Variants in PCDHGB2 observed in about 807,000 individuals in gnomAD.
PCDHGB2 encodes protocadherin gamma-B2.
PCDHGB2 carries 55 observed loss-of-function variants against 59.3 expected under a neutral mutation model. The observed-to-expected ratio is 0.93, with a 90% CI of 0.75 to 1.16. PCDHGB2 has a LOEUF of 1.16. PCDHGB2 is among the 50% of genes most tolerant of loss of function. The pLI is 0.00. For synonymous variants in PCDHGB2, 516 were observed against 512.0 expected, an observed-to-expected ratio of 1.01 and a Z score of -0.11; for missense variants, 1,228 against 1,198.5, an observed-to-expected ratio of 1.02 and a Z score of -0.36.
At position 141,491,891 on chromosome 5, in the gene PCDHGB2, G is replaced by T. The variant is rs1487484740; in HGVS notation, c.2422-2916G>T. On this transcript the variant is annotated intron_variant, in intron 1 of 3. Coordinates refer to ENST00000522605, the MANE Select transcript of PCDHGB2 (RefSeq NM_018923.3). This position sits in a 1 kb window ranked among gnomAD's most constrained non-coding sequence, Gnocchi z 6.9. ...GTGGCCGATTAAGGGATGGGGCTCC[G>T]AGCACCGGGGGTGGTGGCGACTGTG... 19 of 1,439,438 alleles carry T rather than the reference G, an allele frequency of 1.3e-5. No homozygotes were observed. The East Asian group carries it at 4.8e-4, about 36-fold the overall frequency. 89.2% of individuals were successfully genotyped at this position (1,439,438 alleles called of 1,614,324 possible). A position where few individuals can be genotyped will look rare whatever the true frequency, so the allele number is the denominator to read the frequency against.
At chr5:141,408,896 G>A (rs1441378199) in intron 1 of PCDHGB2, 5 of 1,613,328 alleles carry the variant, frequency 3.1e-6, no homozygotes, top group East Asian at 2.2e-5. Flanking sequence ...AGAAATTTCT[G>A]TCAAGGATAC....
intron 1 of PCDHGB2, among the ~76,000 whole-genome samples, chr5:141,472,136 A>T (rs1172420221): frequency 1.1e-4 from 17 of 152,262 alleles, no homozygotes; most frequent in Non-Finnish European, 2.5e-4. Flanking sequence ...AGTTAAAAAT[A>T]AAAGTTTCAT....
chr5:141,400,319 C>G (rs762588918), intron 1 of PCDHGB2: 1 of 1,613,974 alleles, frequency 6.2e-7, no homozygotes, highest in African/African-American at 1.3e-5. Context: ...TGTGTCAAGT[C>G]TGGACCTGTG....
chr5:141,475,990 A>T, intron 1 of PCDHGB2: 1 of 1,140,672 alleles, frequency 8.8e-7, no homozygotes, highest in Non-Finnish European at 1.2e-6. Context: ...CGGCGAGCAA[A>T]TCAACGGCAT....
At position 141,485,184 on chromosome 5, in the gene PCDHGB2, A is replaced by G. The variant is rs1415940980; in HGVS notation, c.2422-9623A>G. ...TAGCGGGCGGCAGCAATGCTCCGCA[A>G]GGTGAGAAGCTGGACAGAAATCTGG... On this transcript the variant is annotated intron_variant, in intron 1 of 3. Transcript: ENST00000522605. This position sits in a 1 kb window ranked among gnomAD's most constrained non-coding sequence, Gnocchi z 5.7. The G allele has an allele frequency of 6.2e-7, 1 of 1,613,152 alleles. No individual in the cohort carries two copies. The highest frequency in any genetic ancestry group is 1.3e-5 in the African/African-American group (1 of 74,938).
At position 141,432,463 on chromosome 5, in the gene PCDHGB2, C is replaced by T; in HGVS notation, c.2422-62344C>T. ...CCGAGATCCTGTACCCCGCCCTCCC[C>T]ACGGACGGTTCCACTGGCGTGGAGC... On this transcript the variant is annotated intron_variant, in intron 1 of 3. Transcript: ENST00000522605. The surrounding 1 kb of genome is among the most constrained non-coding windows in gnomAD (Gnocchi z 6.0). 6.2e-7 allele frequency: 1 copy of T among 1,614,238 alleles called. No individual in the cohort carries two copies. The highest frequency in any genetic ancestry group is 1.1e-5 in the South Asian group (1 of 91,084).
chr5:141,432,908 C>G lies in PCDHGB2; in HGVS notation c.2422-61899C>G, dbSNP rs757934634. 6.2e-7 allele frequency: 1 copy of G among 1,614,168 alleles called. No homozygotes were observed. Reference sequence around the variant, plus strand: ...CATCTTGCTGCTGGCGCTCAGGCTGCGGCGCTGGCACAAGTCACGCCTGCT... The same window carrying G: ...CATCTTGCTGCTGGCGCTCAGGCTGGGGCGCTGGCACAAGTCACGCCTGCT... On this transcript the variant is annotated intron_variant, in intron 1 of 3. Transcript: ENST00000522605. This position sits in a 1 kb window ranked among gnomAD's most constrained non-coding sequence, Gnocchi z 6.0.
intron 1 of PCDHGB2, chr5:141,409,550 C>T (rs764101999): frequency 1.9e-6 from 3 of 1,613,992 alleles, no homozygotes; most frequent in African/African-American, 2.7e-5. Context: ...CGACAACGCC[C>T]CAGTTTTCGA....
intron 1 of PCDHGB2, chr5:141,414,687 T>G: frequency 1.2e-6 from 2 of 1,614,004 alleles, no homozygotes; most frequent in East Asian, 4.5e-5. Flanking sequence ...AGGGGGTACC[T>G]CTGTCCTCAT....
chr5:141,394,622 G>A (rs1472873845), intron 1 of PCDHGB2: 32 of 1,613,496 alleles, frequency 2.0e-5, no homozygotes, highest in Non-Finnish European at 2.6e-5. Flanking sequence ...AGAACGCCTG[G>A]CTGTCCTACC....
rs779651957 is a variant in PCDHGB2, at chr5:141,431,167, T to G, written c.2422-63640T>G. 2 of 1,614,118 alleles carry G rather than the reference T, an allele frequency of 1.2e-6. No individual in the cohort carries two copies. Among genetic ancestry groups the G allele is most frequent in the Non-Finnish European group, 1.7e-6 (2 of 1,180,014 alleles). The stretch of plus-strand genomic sequence containing the variant: ...ACAATGCGCCTTACTTTCGTGAAAG[T>G]GAATTAGAAATAAAAATTAGTGAAA... On this transcript the variant is annotated intron_variant, in intron 1 of 3. Transcript: ENST00000522605. The surrounding 1 kb of genome is among the most constrained non-coding windows in gnomAD (Gnocchi z 4.8).
intron 1 of PCDHGB2, chr5:141,375,951 C>G (rs767101939): frequency 1.2e-6 from 2 of 1,613,526 alleles, no homozygotes; most frequent in Admixed American, 3.3e-5. Context: ...GGCCTGCACA[C>G]GGGCGAGGTG....
intron 1 of PCDHGB2, chr5:141,421,475 G>A (rs752558543): frequency 4.3e-6 from 7 of 1,614,150 alleles, no homozygotes. Flanking sequence ...CCGCGAAGCG[G>A]CAGCTTGATC....
rs962794399 is a variant in PCDHGB2, at chr5:141,449,958, AT to A, written c.2422-44841del. Among the ~76,000 whole-genome samples, 332 of 148,828 alleles carry A rather than the reference AT, an allele frequency of 2.2e-3. 1 individual carries two copies. The highest frequency in any genetic ancestry group is 6.8e-3 in the Admixed American group (101 of 14,904). Reference sequence around the variant, plus strand: ...GTATATTTTACTATACCTCATAGTAATTTTTTTTAGTCCAAAATATCACACA... The same window carrying A: ...GTATATTTTACTATACCTCATAGTAATTTTTTTAGTCCAAAATATCACACA... On this transcript the variant is annotated intron_variant, in intron 1 of 3. Coordinates refer to ENST00000522605, the MANE Select transcript of PCDHGB2 (RefSeq NM_018923.3).
At chr5:141,373,588 T>A (rs1021552918) in intron 1 of PCDHGB2, among the ~76,000 whole-genome samples, 3 of 152,222 alleles carry the variant, frequency 2.0e-5, no homozygotes, top group African/African-American at 4.8e-5. Context: ...GGTGGTGAAA[T>A]GTGATGATAA....
chr5:141,460,959 A>G (rs892536901), intron 1 of PCDHGB2, among the ~76,000 whole-genome samples: 2 of 126,082 alleles, frequency 1.6e-5, no homozygotes, highest in African/African-American at 7.1e-5. Context: ...ATGTATATAT[A>G]TATGTGTGTG....
chr5:141,433,406 T>TC (rs397794347), intron 1 of PCDHGB2, among the ~76,000 whole-genome samples: 446 of 150,100 alleles, frequency 3.0e-3, no homozygotes, highest in African/African-American at 0.01. Context: ...TATCTATCTA[T>TC]TACTTTCTTG....
chr5:141,419,397 T>G (rs1280096838), intron 1 of PCDHGB2: 3 of 1,613,312 alleles, frequency 1.9e-6, no homozygotes. Flanking sequence ...CAGAGCGGGG[T>G]GGTGTTCGCG....
Position 141,491,417 on chromosome 5 carries a change from G to A in PCDHGB2, c.2422-3390G>A, listed in dbSNP as rs200843744. 5 of 1,613,988 alleles carry A rather than the reference G, an allele frequency of 3.1e-6. No homozygotes were observed. The highest frequency in any genetic ancestry group is 1.1e-5 in the South Asian group (1 of 91,092). Reference sequence around the variant, plus strand: ...CAGGGAAACGCAGACGGGGACGGGGGTGGAGGGCAGTGCTGCAGGCGCCAG... The same window carrying A: ...CAGGGAAACGCAGACGGGGACGGGGATGGAGGGCAGTGCTGCAGGCGCCAG... On this transcript the variant is annotated intron_variant, in intron 1 of 3. Transcript: ENST00000522605. The surrounding 1 kb of genome is among the most constrained non-coding windows in gnomAD (Gnocchi z 6.9).
Sources: gnomAD v4.1 joint callset for allele counts (sites outside exome capture counted in the v4.1 genomes callset) on GRCh38, gnomAD v4.1.1 for gene constraint, Gnocchi (gnomAD v3.1) non-coding constraint, MANE v1.5 for transcripts, NCBI Gene and HGNC (gene_info 2026-07-23, HGNC 2026-07-21) for gene names.